Variants in FAM162A observed in about 807,000 individuals in gnomAD.
FAM162A encodes the protein family with sequence similarity 162 member A.
Under a neutral mutation model 21.8 loss-of-function variants are expected in FAM162A, and 23 were observed. The observed-to-expected ratio is 1.05, with a 90% CI of 0.76 to 1.49. The LOEUF (loss-of-function observed/expected upper bound fraction) is 1.49, where lower values mean the gene tolerates loss of function less well. FAM162A is among the 40% of genes most tolerant of loss of function. The probability of loss-of-function intolerance (pLI) is 0.00; values close to 1 mark genes in which losing one functional copy is unlikely to be tolerated. For synonymous variants in FAM162A, 53 were observed against 61.3 expected (o/e 0.86, Z 0.64); for missense variants, 165 against 186.4 (o/e 0.89, Z 0.67).
At position 122,384,318 on chromosome 3, in the gene FAM162A, T is replaced by A. The variant is rs772535939; in HGVS notation, c.34+19T>A. The A allele has an allele frequency of 6.4e-7, 1 of 1,570,208 alleles. No individual in the cohort carries two copies. Among genetic ancestry groups the A allele is most frequent in the Middle Eastern group, 1.7e-4 (1 of 5,998 alleles). ...GCAGCAGGTGAGACGCCGGTCGGGA[T>A]ATGGGAGGTAGGGGAGCTGGCCCGG... On this transcript the variant is annotated intron_variant, in intron 1 of 4. Coordinates refer to ENST00000477892, the MANE Select transcript of FAM162A (RefSeq NM_014367.4).
At chr3:122,407,205 C>T (rs969976238) in intron 3 of FAM162A, 76 bp from the exon 4 acceptor site, 1 of 1,191,392 alleles carries the variant, frequency 8.4e-7, no homozygotes, top group Middle Eastern at 2.0e-4. Context: ...TGAATTTATA[C>T]ACAGCCTTTT....
At position 122,404,291 on chromosome 3, in the gene FAM162A, C is replaced by G; in HGVS notation, c.191C>G (p.Thr64Arg). The change falls in exon 3 of 5, where the codon ACG becomes AGG. Residue 64 changes from threonine (T) to arginine (R), a missense_variant. Coordinates refer to ENST00000477892, the MANE Select transcript of FAM162A (RefSeq NM_014367.4). ...TYNRVPLHKPTDWQKKILIWS... is the reference protein window; with the variant it reads ...TYNRVPLHKPRDWQKKILIWS... ...AACAGAGTGCCTTTACACAAACCTA[C>G]GGATTGGCAGAAAAAGATCCTCATA... is the stretch of plus-strand genomic sequence containing the variant. 1 of 1,607,136 alleles carries G rather than the reference C, an allele frequency of 6.2e-7. No individual in the cohort carries two copies. Among genetic ancestry groups the G allele is most frequent in the Non-Finnish European group, 8.5e-7 (1 of 1,176,678 alleles).
At chr3:122,386,531 C>A (rs1410087290) in intron 1 of FAM162A, among the ~76,000 whole-genome samples, 1 of 147,048 alleles carries the variant, frequency 6.8e-6, no homozygotes. Context: ...ACATTCCAAT[C>A]TGGACAACAG....
Position 122,409,721 on chromosome 3 carries a change from A to C in FAM162A, c.373-18A>C, listed in dbSNP as rs1270735274. 3 of 1,612,544 alleles carry C rather than the reference A, an allele frequency of 1.9e-6. No individual in the cohort carries two copies. Among genetic ancestry groups the C allele is most frequent in the Non-Finnish European group, 2.5e-6 (3 of 1,178,614 alleles). ...TGACCAGCATACAAATCACCTGTTC[A>C]AATCTGTTTTGCTTTAGGCTGCCCA... On this transcript the variant is annotated intron_variant, in intron 4 of 4. Transcript: ENST00000477892.
chr3:122,410,098 GA>G lies in FAM162A; in HGVS notation c.*268del. On this transcript the variant is annotated 3_prime_UTR_variant, in exon 5 of 5. Transcript: ENST00000477892. The stretch of plus-strand genomic sequence containing the variant: ...TTTCAACTTGAATACCAACTCTTCA[GA>G]GAAGCAGGTACCATATCTTACTTCT... The G allele has an allele frequency of 2.3e-6, 1 of 428,638 alleles. No homozygotes were observed. The highest frequency in any genetic ancestry group is 4.4e-6 in the Non-Finnish European group (1 of 229,424). The allele number at this position is 428,638 out of a possible 1,614,324, so 26.6% of individuals were successfully genotyped here.
intron 3 of FAM162A, among the ~76,000 whole-genome samples, chr3:122,406,037 AC>A (rs1417752786): frequency 1.3e-5 from 2 of 152,004 alleles, no homozygotes; most frequent in Non-Finnish European, 2.9e-5. Context: ...TCCTCCTTCC[AC>A]CTGCAACATC....
At chr3:122,405,853 G>C (rs553020724) in intron 3 of FAM162A, among the ~76,000 whole-genome samples, 1 of 152,318 alleles carries the variant, frequency 6.6e-6, no homozygotes, top group South Asian at 2.1e-4. Context: ...TGGGAAGTCA[G>C]TTTGTGGTTA....
chr3:122,402,612 A>G (rs898328391), intron 1 of FAM162A, 148 bp from the exon 2 acceptor site: 4 of 557,496 alleles, frequency 7.2e-6, no homozygotes, highest in African/African-American at 1.9e-5. Flanking sequence ...CACTTTAAAT[A>G]TACTATGTGT....
chr3:122,388,612 T>C (rs1376340436), intron 1 of FAM162A, among the ~76,000 whole-genome samples: 1 of 152,070 alleles, frequency 6.6e-6, no homozygotes. Flanking sequence ...AGATTGGTCA[T>C]AGAGGTTGGA....
At chr3:122,399,840 A>G (rs2075645061) in intron 1 of FAM162A, among the ~76,000 whole-genome samples, 1 of 152,282 alleles carries the variant, frequency 6.6e-6, no homozygotes, top group East Asian at 1.9e-4. Flanking sequence ...ACGGTGGCTC[A>G]TGCCTGTAAT....
chr3:122,412,077 ACT>A lies in FAM162A; in HGVS notation c.*2249_*2250del, dbSNP rs2075708378. The A allele has an allele frequency of 6.6e-6, 1 of 152,120 alleles. No homozygotes were observed. The highest frequency in any genetic ancestry group is 2.4e-5 in the African/African-American group (1 of 41,430). The allele number at this position is 152,120 out of a possible 1,614,324, so 9.4% of individuals were successfully genotyped here. On this transcript the variant is annotated 3_prime_UTR_variant, in exon 5 of 5. Transcript: ENST00000477892. ...TTACAGCACTCCTACCCTACTAGTAACTCTGATATCTCATAGTCCTCAGATTT... is the reference window on the plus strand; with the variant it reads ...TTACAGCACTCCTACCCTACTAGTAACTGATATCTCATAGTCCTCAGATTT...
At chr3:122,397,732 A>G (rs1305945690) in intron 1 of FAM162A, among the ~76,000 whole-genome samples, 2 of 152,226 alleles carry the variant, frequency 1.3e-5, no homozygotes, top group Non-Finnish European at 2.9e-5. Context: ...AAAATTATTC[A>G]TGCTAAAGCT....
chr3:122,390,098 G>C (rs1405024594), intron 1 of FAM162A, among the ~76,000 whole-genome samples: 4 of 151,878 alleles, frequency 2.6e-5, no homozygotes, highest in African/African-American at 9.7e-5. Flanking sequence ...TCTCTCCACT[G>C]CCCTTTACCC....
intron 1 of FAM162A, among the ~76,000 whole-genome samples, chr3:122,400,943 T>C (rs1215135191): frequency 6.6e-6 from 1 of 152,202 alleles, no homozygotes; most frequent in Non-Finnish European, 1.5e-5. Flanking sequence ...GTAGAGATTA[T>C]TTTAAATCAT....
intron 4 of FAM162A, chr3:122,407,689 C>G: frequency 2.3e-6 from 1 of 438,698 alleles, no homozygotes; most frequent in Non-Finnish European, 4.1e-6. Flanking sequence ...AAATAGGACA[C>G]TGGCATATTT....
intron 1 of FAM162A, among the ~76,000 whole-genome samples, chr3:122,387,366 C>T (rs973077627): frequency 3.9e-5 from 6 of 152,184 alleles, no homozygotes; most frequent in Non-Finnish European, 8.8e-5. Context: ...ATGTAATGGA[C>T]TATGGGCTGC....
Position 122,404,319 on chromosome 3 carries a change from G to T in FAM162A, c.219G>T (p.Trp73Cys). ...ATTGGCAGAAAAAGATCCTCATATG[G>T]TCAGGTCGCTTCAAAAAGGAAGATG... ...PTDWQKKILI[W>C]SGRFKKEDEI... The change falls in exon 3 of 5, where the codon TGG becomes TGT. Residue 73 changes from tryptophan (W) to cysteine (C), a missense_variant. By Grantham distance (215) the Trp-to-Cys change is radical. Coordinates refer to ENST00000477892, the MANE Select transcript of FAM162A (RefSeq NM_014367.4). The T allele has an allele frequency of 1.5e-5, 24 of 1,608,262 alleles. No homozygotes were observed. The highest frequency in any genetic ancestry group is 2.0e-5 in the Non-Finnish European group (24 of 1,177,368).
rs1000544319 is a variant in FAM162A at position 122,384,250 on chromosome 3, G to A, written c.-16G>A. On this transcript the variant is annotated 5_prime_UTR_variant, in exon 1 of 5. Transcript: ENST00000477892. ...CCGGCGAAGTTCTGCGCTGGTCGGC[G>A]GAGTAGCAAGTGGCCATGGGGAGCC... is the stretch of plus-strand genomic sequence containing the variant. The A allele has an allele frequency of 5.1e-6, 8 of 1,569,224 alleles. No individual in the cohort carries two copies. Among genetic ancestry groups the A allele is most frequent in the South Asian group, 4.7e-5 (4 of 85,190 alleles).
chr3:122,384,942 T>C (rs1206826393), intron 1 of FAM162A, among the ~76,000 whole-genome samples: 2 of 152,226 alleles, frequency 1.3e-5, no homozygotes, highest in East Asian at 3.8e-4. Context: ...GTGATGACTA[T>C]TTTGGACTTA....
Sources: allele counts gnomAD v4.1 joint callset (sites outside exome capture counted in the v4.1 genomes callset), GRCh38; gene constraint gnomAD v4.1.1; transcripts MANE v1.5; gene names NCBI Gene and HGNC (gene_info 2026-07-23, HGNC 2026-07-21).